Variants in CSNK1D observed in about 807,000 individuals in gnomAD.
The protein encoded by CSNK1D is casein kinase 1 delta.
In CSNK1D, 16 loss-of-function variants were observed where a neutral mutation model predicts 46.6. That is an observed-to-expected ratio of 0.34 (90% confidence interval 0.23 to 0.52). The LOEUF (loss-of-function observed/expected upper bound fraction) is 0.52, where lower values mean the gene tolerates loss of function less well. Ranked by LOEUF, CSNK1D falls within the 20% of genes least tolerant of loss-of-function variation. The pLI, the probability that CSNK1D is intolerant of heterozygous loss-of-function variation, is 0.95. For synonymous variants in CSNK1D, 276 were observed against 228.2 expected, an observed-to-expected ratio of 1.21 and a Z score of -1.89; for missense variants, 398 against 578.4, an observed-to-expected ratio of 0.69 and a Z score of 3.20.
At chr17:82,246,057 C>G in intron 8 of CSNK1D, 1 of 1,605,326 alleles carries the variant, frequency 6.2e-7, no homozygotes, top group East Asian at 2.3e-5. Flanking sequence ...GGGGAAAAGA[C>G]AGCTGTTGGT....
chr17:82,243,575 G>A lies in CSNK1D; in HGVS notation c.*1206C>T, dbSNP rs1266261933. ...CACGCGCCCAACAGAAGGTCACAGCGCAGACTCTACTTTCTGGCCGTGAAG... is the reference window on the plus strand; with the variant it reads ...CACGCGCCCAACAGAAGGTCACAGCACAGACTCTACTTTCTGGCCGTGAAG... On this transcript the variant is annotated 3_prime_UTR_variant, in exon 9 of 9. Transcript: ENST00000314028. 2.4e-5 allele frequency: 24 copies of A among 985,338 alleles called. No individual in the cohort carries two copies. The highest frequency in any genetic ancestry group is 2.9e-5 in the Non-Finnish European group (24 of 829,968). The allele number at this position is 985,338 out of a possible 1,614,324, so 61.0% of individuals were successfully genotyped here.
At chr17:82,260,323 G>GT in intron 2 of CSNK1D, among the ~76,000 whole-genome samples, 1 of 138,900 alleles carries the variant, frequency 7.2e-6, no homozygotes, top group African/African-American at 2.5e-5. Context: ...TGTACTGAGT[G>GT]ATGTGACTGA....
downstream of CSNK1D, chr17:82,242,568 A>G: frequency 1.1e-6 from 1 of 878,320 alleles, no homozygotes; most frequent in Non-Finnish European, 1.4e-6. Context: ...GAGAAAGAAC[A>G]AACAGCCATC....
At position 82,246,587 on chromosome 17, in the gene CSNK1D, GAA is replaced by G. The variant is rs966587136; in HGVS notation, c.1198-1758_1198-1757del. 4 of 1,025,666 alleles carry G rather than the reference GAA, an allele frequency of 3.9e-6. No individual in the cohort carries two copies. The African/African-American group carries it at 6.8e-5, about 18-fold the overall frequency. 63.5% of individuals were successfully genotyped at this position (1,025,666 alleles called of 1,614,324 possible). On this transcript the variant is annotated intron_variant, in intron 8 of 8. Transcript: ENST00000314028. ...AGCCCTGGCCGAACACCAACAGCCC[GAA>G]AAGAGAGGGGGCGAAGAGGGAACAG... is the stretch of plus-strand genomic sequence containing the variant.
chr17:82,263,434 G>A (rs1317053348), intron 2 of CSNK1D, among the ~76,000 whole-genome samples: 1 of 152,228 alleles, frequency 6.6e-6, no homozygotes, highest in Non-Finnish European at 1.5e-5. Context: ...GCGGCCACAG[G>A]GGAAGCAACT....
chr17:82,239,060 C>T, downstream of CSNK1D: 1 of 1,349,750 alleles, frequency 7.4e-7, no homozygotes, highest in Non-Finnish European at 9.9e-7. Context: ...TGGACTGGCT[C>T]AGGCAGGGCC....
At chr17:82,245,895 C>G in intron 8 of CSNK1D, 3 of 1,425,292 alleles carry the variant, frequency 2.1e-6, no homozygotes, top group East Asian at 2.5e-5. Flanking sequence ...GCCCAGCCCA[C>G]CTGCAAGCTC....
chr17:82,250,266 T>G lies in CSNK1D; in HGVS notation c.886-664A>C. ...CGGGGCCAAACCCAGGTGCCACTTC[T>G]TCCTGCAAGTACAGCTCATTGGACA... On this transcript the variant is annotated intron_variant, in intron 6 of 8. Transcript: ENST00000314028. This position sits in a 1 kb window ranked among gnomAD's most constrained non-coding sequence, Gnocchi z 4.6. The G allele has an allele frequency of 8.3e-7, 1 of 1,203,232 alleles. No homozygotes were observed. The highest frequency in any genetic ancestry group is 1.3e-5 in the South Asian group (1 of 79,028). 74.5% of individuals were successfully genotyped at this position (1,203,232 alleles called of 1,614,324 possible). A position where few individuals can be genotyped will look rare whatever the true frequency, so the allele number is the denominator to read the frequency against.
rs866951698 is a variant in CSNK1D, at chr17:82,249,168, G to A, written c.1058-154C>T. 32 of 989,718 alleles carry A rather than the reference G, an allele frequency of 3.2e-5. No homozygotes were observed. Among genetic ancestry groups the A allele is most frequent in the East Asian group, 1.0e-4 (4 of 38,126 alleles). 61.3% of individuals were successfully genotyped at this position (989,718 alleles called of 1,614,324 possible). ...TGGCCACCAACACTCAGATCCGGCC[G>A]GAGGGACACAAAGGGACATGGGAGC... On this transcript the variant is annotated intron_variant, in intron 7 of 8. Transcript: ENST00000314028. The surrounding 1 kb of genome is among the most constrained non-coding windows in gnomAD (Gnocchi z 6.7).
At chr17:82,241,596 T>TG (rs2050742440), downstream of CSNK1D, among the ~76,000 whole-genome samples, 1 of 152,194 alleles carries the variant, frequency 6.6e-6, no homozygotes, top group Non-Finnish European at 1.5e-5. Flanking sequence ...ACTTGGGTCT[T>TG]GCCGTTTTCC....
In CSNK1D at chr17:82,251,530, A is replaced by G; in HGVS notation, c.737-3T>C. ...ATTCAGGTATGTGGCAAATTCGGCT[A>G]CAAAACAAGAAACTCAAAGCTAACT... On this transcript the variant is annotated splice_polypyrimidine_tract_variant and splice_region_variant and intron_variant, in intron 5 of 8. Transcript: ENST00000314028. The surrounding 1 kb of genome is among the most constrained non-coding windows in gnomAD (Gnocchi z 4.5). The G allele has an allele frequency of 6.2e-7, 1 of 1,613,998 alleles. No individual in the cohort carries two copies. Among genetic ancestry groups the G allele is most frequent in the Non-Finnish European group, 8.5e-7 (1 of 1,179,964 alleles).
intron 2 of CSNK1D, among the ~76,000 whole-genome samples, chr17:82,259,032 C>T (rs763373549): frequency 2.0e-5 from 3 of 152,196 alleles, no homozygotes; most frequent in Non-Finnish European, 4.4e-5. Flanking sequence ...GGCTGGATGT[C>T]GATGGGAACG....
chr17:82,246,443 A>T (rs2050852215), intron 8 of CSNK1D: 8 of 1,158,620 alleles, frequency 6.9e-6, no homozygotes, highest in Non-Finnish European at 8.6e-6. Context: ...CCTGGGCAGG[A>T]GTTGATCAAA....
chr17:82,264,023 C>G (rs954036071), intron 2 of CSNK1D, among the ~76,000 whole-genome samples: 2 of 152,244 alleles, frequency 1.3e-5, no homozygotes, highest in African/African-American at 4.8e-5. Flanking sequence ...CCCAGGACCA[C>G]AGGTGCTGCC....
Position 82,273,411 on chromosome 17 carries a change from T to G in CSNK1D, c.-30A>C. 6.2e-7 allele frequency: 1 copy of G among 1,609,096 alleles called. No individual in the cohort carries two copies. Among genetic ancestry groups the G allele is most frequent in the Non-Finnish European group, 8.5e-7 (1 of 1,178,782 alleles). ...GCGGCGGCCCGATTCGCTCCTGCCC[T>G]CCCGGCCGCTTCCTGGGTCTGAACT... On this transcript the variant is annotated 5_prime_UTR_variant, in exon 1 of 9. Coordinates refer to ENST00000314028, the MANE Select transcript of CSNK1D (RefSeq NM_001893.6). This position sits in a 1 kb window ranked among gnomAD's most constrained non-coding sequence, Gnocchi z 5.1.
intron 1 of CSNK1D, among the ~76,000 whole-genome samples, chr17:82,270,278 C>CG (rs1433386734): frequency 2.0e-5 from 3 of 152,188 alleles, no homozygotes; most frequent in South Asian, 2.1e-4. Context: ...ACAGCAGGGT[C>CG]GGGGCAGGCA....
chr17:82,239,051 G>A (rs2050696841), downstream of CSNK1D: 4 of 1,426,796 alleles, frequency 2.8e-6, no homozygotes, highest in South Asian at 6.0e-5. Context: ...TTTACAAACT[G>A]GACTGGCTCA....
intron 1 of CSNK1D, chr17:82,267,046 C>G (rs935361847): frequency 2.3e-5 from 3 of 129,212 alleles, no homozygotes; most frequent in Admixed American, 9.8e-5. Flanking sequence ...GGTGACAGAG[C>G]GAGACACCGT....
rs975654327 is a variant in CSNK1D, at chr17:82,244,564, T to C, written c.*217A>G. On this transcript the variant is annotated 3_prime_UTR_variant, in exon 9 of 9. Coordinates refer to ENST00000314028, the MANE Select transcript of CSNK1D (RefSeq NM_001893.6). ...CTTCCCAGCCCCGTTACAACCGAGTTCACGTGGGGGGCCGCAGTGCAGCCC... is the reference window on the plus strand; with the variant it reads ...CTTCCCAGCCCCGTTACAACCGAGTCCACGTGGGGGGCCGCAGTGCAGCCC... 16 of 1,484,108 alleles carry C rather than the reference T, an allele frequency of 1.1e-5. No individual in the cohort carries two copies. The highest frequency in any genetic ancestry group is 4.3e-5 in the Admixed American group (2 of 47,028). The allele number at this position is 1,484,108 out of a possible 1,614,324, so 91.9% of individuals were successfully genotyped here.
Sources: allele counts gnomAD v4.1 joint callset (sites outside exome capture counted in the v4.1 genomes callset), GRCh38; gene constraint gnomAD v4.1.1; non-coding constraint Gnocchi (gnomAD v3.1); transcripts MANE v1.5; gene names NCBI Gene and HGNC (gene_info 2026-07-23, HGNC 2026-07-21).